KCNIP4: variants seen among roughly 807,000 people sequenced by gnomAD.
The protein encoded by KCNIP4 is Kv channel-interacting protein 4.
Under a neutral mutation model 34.0 loss-of-function variants are expected in KCNIP4, and 12 were observed. The ratio of observed to expected loss-of-function variants is 0.35; its 90% CI spans 0.23 to 0.57. KCNIP4 has a LOEUF of 0.57. Among genes scored for constraint, KCNIP4 ranks in the 20% least tolerant of loss-of-function variants. The pLI is 0.83. For synonymous variants in KCNIP4, 124 were observed against 102.2 expected (o/e 1.21, Z -1.29); for missense variants, 238 against 311.7 (o/e 0.76, Z 1.78).
At chr4:21,777,231 C>A (rs964894088) in intron 1 of KCNIP4, among the ~76,000 whole-genome samples, 2 of 152,160 alleles carry the variant, frequency 1.3e-5, no homozygotes, top group Non-Finnish European at 2.9e-5. Flanking sequence ...TCAATTAAAC[C>A]TCTCTCCTTT....
At chr4:20,896,193 G>A (rs1726510507) in intron 1 of KCNIP4, among the ~76,000 whole-genome samples, 1 of 152,056 alleles carries the variant, frequency 6.6e-6, no homozygotes, top group Non-Finnish European at 1.5e-5. Context: ...TTCCTCTGTT[G>A]CCTATCACAC....
At chr4:20,857,235 C>T (rs1721686560) in intron 2 of KCNIP4, among the ~76,000 whole-genome samples, 1 of 152,050 alleles carries the variant, frequency 6.6e-6, no homozygotes, top group African/African-American at 2.4e-5. Flanking sequence ...AAAAAAGCAA[C>T]ACCACCGAAC....
chr4:21,205,419 T>C (rs550543442), intron 1 of KCNIP4, among the ~76,000 whole-genome samples: 1 of 152,304 alleles, frequency 6.6e-6, no homozygotes, highest in South Asian at 2.1e-4. Flanking sequence ...TGATAATTCT[T>C]TGGTGTATGC....
intron 1 of KCNIP4, among the ~76,000 whole-genome samples, chr4:21,691,691 CTTT>C (rs36004947): frequency 3.9e-5 from 4 of 103,144 alleles, no homozygotes; most frequent in Non-Finnish European, 3.7e-5. Flanking sequence ...AAACGCAGCT[CTTT>C]TTTTTTTTTT....
intron 1 of KCNIP4, among the ~76,000 whole-genome samples, chr4:21,521,816 GGAT>G (rs1735551689): frequency 6.6e-6 from 1 of 151,958 alleles, no homozygotes; most frequent in South Asian, 2.1e-4. Flanking sequence ...CCCATGCAAT[GGAT>G]GGAAGTTGTT....
chr4:21,758,031 A>T (rs983649991), intron 1 of KCNIP4, among the ~76,000 whole-genome samples: 1 of 152,180 alleles, frequency 6.6e-6, no homozygotes, highest in African/African-American at 2.4e-5. Flanking sequence ...CAACTCCCTA[A>T]TTTTACTGTA....
intron 1 of KCNIP4, among the ~76,000 whole-genome samples, chr4:21,883,165 T>G (rs1726559905): frequency 2.0e-5 from 3 of 151,218 alleles, no homozygotes; most frequent in Non-Finnish European, 4.4e-5. Flanking sequence ...TGTTGTTTTT[T>G]TTTTTTTTTT....
chr4:21,913,508 A>G (rs1728457379), intron 1 of KCNIP4, among the ~76,000 whole-genome samples: 1 of 152,074 alleles, frequency 6.6e-6, no homozygotes, highest in Non-Finnish European at 1.5e-5. Context: ...TGGACTTGCC[A>G]GCCTCCAGAA....
At chr4:20,956,183 C>G (rs570024221) in intron 1 of KCNIP4, among the ~76,000 whole-genome samples, 1 of 152,220 alleles carries the variant, frequency 6.6e-6, no homozygotes, top group African/African-American at 2.4e-5. Flanking sequence ...ATTGAATTAC[C>G]CTTAGGAGAA....
At chr4:21,151,909 TCCAAC>T (rs1180587631) in intron 1 of KCNIP4, among the ~76,000 whole-genome samples, 2 of 152,260 alleles carry the variant, frequency 1.3e-5, no homozygotes, top group Admixed American at 6.5e-5. Context: ...TTAGATCAGT[TCCAAC>T]AGCCTGCACA....
rs188258320 is a variant in KCNIP4 at position 21,205,970 on chromosome 4, G to A, written c.62-323261C>T. ...TGCTAATCCAACCATCTGCATTCAG[G>A]TTCTGCCTCTGTGCTCAGCCAGCCT... On this transcript the variant is annotated intron_variant, in intron 1 of 8. Transcript: ENST00000382152. 6.8e-3 allele frequency among the ~76,000 whole-genome samples: 1,039 copies of A among 152,266 alleles called. 7 individuals carry two copies. Among genetic ancestry groups the A allele is most frequent in the Non-Finnish European group, 9.8e-3 (668 of 68,016 alleles).
intron 1 of KCNIP4, among the ~76,000 whole-genome samples, chr4:21,630,741 G>T (rs966562037): frequency 2.0e-5 from 3 of 152,094 alleles, no homozygotes; most frequent in Non-Finnish European, 4.4e-5. Flanking sequence ...ATCCTTCAAT[G>T]ATGCCCTCTT....
intron 1 of KCNIP4, among the ~76,000 whole-genome samples, chr4:21,151,347 AG>A (rs1308151161): frequency 6.7e-6 from 1 of 148,414 alleles, no homozygotes; most frequent in African/African-American, 2.5e-5. Flanking sequence ...TACCTCCCTT[AG>A]TCTACTTGGG....
intron 3 of KCNIP4, among the ~76,000 whole-genome samples, chr4:20,847,241 C>T (rs1018057608): frequency 6.6e-5 from 10 of 152,226 alleles, no homozygotes; most frequent in Non-Finnish European, 1.2e-4. Flanking sequence ...AAAGACACAT[C>T]GTCTCCTGAG....
At chr4:21,940,037 T>A (rs1294920636) in intron 1 of KCNIP4, among the ~76,000 whole-genome samples, 3 of 152,194 alleles carry the variant, frequency 2.0e-5, no homozygotes, top group African/African-American at 7.2e-5. Flanking sequence ...TTTAGGATTA[T>A]CTTTAAACAG....
At chr4:21,806,701 C>A (rs1721319773) in intron 1 of KCNIP4, among the ~76,000 whole-genome samples, 1 of 151,818 alleles carries the variant, frequency 6.6e-6, no homozygotes, top group Non-Finnish European at 1.5e-5. Context: ...TTTAAAAAAA[C>A]AAATCAGAAG....
chr4:21,574,518 A>G lies in KCNIP4; in HGVS notation c.61+374053T>C, dbSNP rs147961515. On this transcript the variant is annotated intron_variant, in intron 1 of 8. Transcript: ENST00000382152. ...AGAAACGGAGTCCTTATATACTTACAGGAGATGTTCGGCAGCCTTTTATTT... is the reference window on the plus strand; with the variant it reads ...AGAAACGGAGTCCTTATATACTTACGGGAGATGTTCGGCAGCCTTTTATTT... 2.8e-3 allele frequency among the ~76,000 whole-genome samples: 429 copies of G among 152,276 alleles called. 3 individuals carry two copies. The highest frequency in any genetic ancestry group is 9.9e-3 in the African/African-American group (410 of 41,554).
intron 1 of KCNIP4, among the ~76,000 whole-genome samples, chr4:21,870,390 T>C (rs1725717030): frequency 6.6e-6 from 1 of 152,190 alleles, no homozygotes; most frequent in South Asian, 2.1e-4. Context: ...GGGTCCCGTA[T>C]GCACAACTAG....
intron 1 of KCNIP4, among the ~76,000 whole-genome samples, chr4:20,938,128 A>T (rs889939970): frequency 2.0e-5 from 3 of 152,122 alleles, no homozygotes; most frequent in African/African-American, 7.2e-5. Flanking sequence ...GTCACTTTGA[A>T]TGCTAAATGG....
Sources: allele counts gnomAD v4.1 joint callset (sites outside exome capture counted in the v4.1 genomes callset), GRCh38; gene constraint gnomAD v4.1.1; transcripts MANE v1.5; gene names NCBI Gene and HGNC (gene_info 2026-07-23, HGNC 2026-07-21).